The following ARHGAP28 variants were observed in gnomAD, a reference collection of about 807,000 sequenced individuals.
The protein encoded by ARHGAP28 is Rho GTPase activating protein 28, also known as rho GTPase-activating protein 28.
A neutral mutation model predicts 90.7 loss-of-function variants in ARHGAP28; 56 were observed. The observed-to-expected ratio is 0.62, with a 90% confidence interval of 0.50 to 0.77. ARHGAP28 has a LOEUF of 0.77. ARHGAP28 is among the 30% of genes least tolerant of loss of function. The probability of loss-of-function intolerance (pLI) is 0.00; values close to 1 mark genes in which losing one functional copy is unlikely to be tolerated. For missense variants in ARHGAP28, 869 were observed against 900.9 expected, an observed-to-expected ratio of 0.96 and a Z score of 0.45; for synonymous variants, 308 against 323.3, an observed-to-expected ratio of 0.95 and a Z score of 0.51.
chr18:6,779,893 G>A (rs1248949636), intron 1 of ARHGAP28, among the ~76,000 whole-genome samples: 2 of 152,192 alleles, frequency 1.3e-5, no homozygotes, highest in African/African-American at 4.8e-5. Flanking sequence ...AAGATAACTC[G>A]AAATGTCACT....
intron 3 of ARHGAP28, among the ~76,000 whole-genome samples, chr18:6,849,930 T>C (rs1427169763): frequency 6.6e-6 from 1 of 152,184 alleles, no homozygotes; most frequent in African/African-American, 2.4e-5. Context: ...TATTTCTTTC[T>C]CTCCACTTTT....
intron 14 of ARHGAP28, among the ~76,000 whole-genome samples, chr18:6,893,272 CA>C (rs2057279854): frequency 6.6e-6 from 1 of 152,176 alleles, no homozygotes; most frequent in Non-Finnish European, 1.5e-5. Context: ...GAGTGAGGTC[CA>C]TTCTGCTCCC....
chr18:6,802,108 A>C (rs2143631916), intron 1 of ARHGAP28, among the ~76,000 whole-genome samples: 1 of 152,276 alleles, frequency 6.6e-6, no homozygotes, highest in East Asian at 1.9e-4. Flanking sequence ...TTAATGGCTT[A>C]ATAATATTCC....
intron 1 of ARHGAP28, among the ~76,000 whole-genome samples, chr18:6,786,915 A>G (rs1414954452): frequency 1.3e-5 from 2 of 151,882 alleles, no homozygotes; most frequent in Non-Finnish European, 2.9e-5. Flanking sequence ...TCATGTGATC[A>G]TTCATTCACA....
intron 1 of ARHGAP28, among the ~76,000 whole-genome samples, chr18:6,778,031 C>T (rs1221068274): frequency 2.0e-5 from 3 of 152,160 alleles, no homozygotes; most frequent in African/African-American, 2.4e-5. Flanking sequence ...CCCTTAGGCA[C>T]TAGCAAAGCC....
chr18:6,870,590 A>G lies in ARHGAP28; in HGVS notation c.812A>G (p.Asp271Gly), dbSNP rs1489539550. The G allele has an allele frequency of 3.7e-6, 6 of 1,608,296 alleles. No individual in the cohort carries two copies. Among genetic ancestry groups the G allele is most frequent in the Admixed American group, 1.7e-5 (1 of 59,024 alleles). The change falls in exon 7 of 18, where the codon GAT becomes GGT. Residue 271 changes from aspartate to glycine, a missense_variant and splice_region_variant. Physicochemically the swap from Asp to Gly is moderately conservative, Grantham distance 94. Coordinates refer to ENST00000383472, the MANE Select transcript of ARHGAP28 (RefSeq NM_001366230.1). ...TCTGTATTCTTTGTTTTGTCTTTAG[A>G]TGATGATTTTCTGGAAAAGAACATT... ...PGQPVQNAIS[D>G]DDFLEKNIPP...
intron 1 of ARHGAP28, among the ~76,000 whole-genome samples, chr18:6,732,356 A>G (rs1425343224): frequency 1.3e-5 from 2 of 152,228 alleles, no homozygotes; most frequent in Non-Finnish European, 2.9e-5. Context: ...GGTTACAGAG[A>G]TAAACGGGAC....
intron 1 of ARHGAP28, among the ~76,000 whole-genome samples, chr18:6,817,135 G>T (rs1038435581): frequency 1.3e-5 from 2 of 150,484 alleles, no homozygotes; most frequent in Non-Finnish European, 3.0e-5. Flanking sequence ...CCAACATGGT[G>T]AAACCCCGTC....
At chr18:6,857,965 G>T (rs1197015318) in intron 4 of ARHGAP28, among the ~76,000 whole-genome samples, 1 of 152,182 alleles carries the variant, frequency 6.6e-6, no homozygotes, top group African/African-American at 2.4e-5. Flanking sequence ...GGATAGGTTG[G>T]TTAGGATGCA....
rs761334007 is a variant in ARHGAP28, at chr18:6,859,802, A to T, written c.637-6A>T. 1 of 1,613,048 alleles carries T rather than the reference A, an allele frequency of 6.2e-7. No homozygotes were observed. The highest frequency in any genetic ancestry group is 8.5e-7 in the Non-Finnish European group (1 of 1,179,576). On this transcript the variant is annotated splice_polypyrimidine_tract_variant and splice_region_variant and intron_variant, in intron 4 of 17. Coordinates refer to ENST00000383472, the MANE Select transcript of ARHGAP28 (RefSeq NM_001366230.1). ...ATAAGAATGGTACTTTTATTTCTCC[A>T]TTTAGCCAGATGATGCTTCTCTCAA...
At chr18:6,846,932 G>C (rs1413441293) in intron 3 of ARHGAP28, among the ~76,000 whole-genome samples, 2 of 152,132 alleles carry the variant, frequency 1.3e-5, no homozygotes, top group Admixed American at 6.5e-5. Flanking sequence ...CTTGGGAGAG[G>C]AGGACACCGC....
intron 11 of ARHGAP28, among the ~76,000 whole-genome samples, chr18:6,885,002 A>G (rs1318010710): frequency 6.6e-6 from 1 of 152,218 alleles, no homozygotes; most frequent in Non-Finnish European, 1.5e-5. Context: ...TTCACTAAAG[A>G]CCTAATCGGT....
At chr18:6,741,210 A>G (rs945297484) in intron 1 of ARHGAP28, among the ~76,000 whole-genome samples, 2 of 152,256 alleles carry the variant, frequency 1.3e-5, no homozygotes, top group African/African-American at 2.4e-5. Flanking sequence ...AATGAGGGAA[A>G]GAGCTGACTG....
chr18:6,768,200 TAG>T (rs2056214815), intron 1 of ARHGAP28, among the ~76,000 whole-genome samples: 1 of 152,244 alleles, frequency 6.6e-6, no homozygotes, highest in Admixed American at 6.5e-5. Flanking sequence ...AGTCCTTAAA[TAG>T]TTGAGCATAT....
intron 2 of ARHGAP28, among the ~76,000 whole-genome samples, chr18:6,831,790 A>G (rs1456615545): frequency 6.6e-6 from 1 of 152,212 alleles, no homozygotes; most frequent in South Asian, 2.1e-4. Context: ...CAGCACTTAC[A>G]TATCCTTGTC....
At chr18:6,766,447 C>T (rs1040064561) in intron 1 of ARHGAP28, among the ~76,000 whole-genome samples, 4 of 152,130 alleles carry the variant, frequency 2.6e-5, no homozygotes, top group Non-Finnish European at 5.9e-5. Context: ...ATACTTAGCC[C>T]ACAGCCTCAG....
Position 6,749,157 on chromosome 18 carries a change from C to T in ARHGAP28, c.122+19214C>T, listed in dbSNP as rs1373910025. On this transcript the variant is annotated intron_variant, in intron 1 of 17. Coordinates refer to ENST00000383472, the MANE Select transcript of ARHGAP28 (RefSeq NM_001366230.1). ...TGTTTGAGCTAAAAGTCAATCAGTGCAAACAAGTGATCTGATCTGTTTGTA... is the reference window on the plus strand; with the variant it reads ...TGTTTGAGCTAAAAGTCAATCAGTGTAAACAAGTGATCTGATCTGTTTGTA... 2.0e-5 allele frequency among the ~76,000 whole-genome samples: 3 copies of T among 152,192 alleles called. No individual in the cohort carries two copies. The East Asian group carries it at 5.8e-4, about 29-fold the overall frequency.
chr18:6,811,452 T>A (rs1181934616), intron 1 of ARHGAP28, among the ~76,000 whole-genome samples: 3 of 152,210 alleles, frequency 2.0e-5, no homozygotes, highest in African/African-American at 7.2e-5. Flanking sequence ...CTTTTCAAAG[T>A]CTGTTCACTT....
chr18:6,895,636 T>A (rs377167201), intron 15 of ARHGAP28, among the ~76,000 whole-genome samples: 24 of 152,342 alleles, frequency 1.6e-4, no homozygotes, highest in African/African-American at 5.5e-4. Flanking sequence ...TTCTTGTGTC[T>A]CCATGTCTCT....
Sources: gnomAD v4.1 joint callset for allele counts (sites outside exome capture counted in the v4.1 genomes callset) on GRCh38, gnomAD v4.1.1 for gene constraint, MANE v1.5 for transcripts, NCBI Gene and HGNC (gene_info 2026-07-23, HGNC 2026-07-21) for gene names.